Variants in FBXL7 observed in about 807,000 individuals in gnomAD.
FBXL7 encodes F-box and leucine rich repeat protein 7.
A neutral mutation model predicts 38.3 loss-of-function variants in FBXL7; 12 were observed. The observed-to-expected ratio is 0.31, with a 90% CI of 0.20 to 0.51. FBXL7 has a LOEUF of 0.51. Among genes scored for constraint, FBXL7 ranks in the 20% least tolerant of loss-of-function variants. FBXL7 has a pLI of 0.98. For synonymous variants in FBXL7, 297 were observed against 300.9 expected, an observed-to-expected ratio of 0.99 and a Z score of 0.13; for missense variants, 567 against 676.4, an observed-to-expected ratio of 0.84 and a Z score of 1.79.
At chr5:15,867,268 C>T (rs1044361754) in intron 2 of FBXL7, among the ~76,000 whole-genome samples, 1 of 152,188 alleles carries the variant, frequency 6.6e-6, no homozygotes, top group African/African-American at 2.4e-5. Context: ...TGTTCATCAA[C>T]TTAGTGATTT....
chr5:15,719,136 G>A (rs978425100), intron 2 of FBXL7, among the ~76,000 whole-genome samples: 1 of 152,146 alleles, frequency 6.6e-6, no homozygotes, highest in Admixed American at 6.5e-5. Flanking sequence ...CAAAAGGTTT[G>A]AAGGCAGCTT....
At position 15,771,424 on chromosome 5, in the gene FBXL7, T is replaced by C. The variant is rs1339624733; in HGVS notation, c.127+155352T>C. ...ATATTATCCAGCACAACTTCATTTG[T>C]GATATCACTTTATTCAGTACAAACT... On this transcript the variant is annotated intron_variant, in intron 2 of 3. Coordinates refer to ENST00000504595, the MANE Select transcript of FBXL7 (RefSeq NM_012304.5). 2.6e-5 allele frequency among the ~76,000 whole-genome samples: 4 copies of C among 152,238 alleles called. 1 individual carries two copies. The highest frequency in any genetic ancestry group is 2.9e-5 in the Non-Finnish European group (2 of 68,044).
intron 1 of FBXL7, among the ~76,000 whole-genome samples, chr5:15,529,030 C>T (rs1450728059): frequency 4.6e-5 from 7 of 152,170 alleles, no homozygotes; most frequent in Admixed American, 3.9e-4. Context: ...ATGTATTCCT[C>T]CTTTCTAACT....
chr5:15,916,516 G>A (rs1285838522), intron 2 of FBXL7, among the ~76,000 whole-genome samples: 3 of 152,176 alleles, frequency 2.0e-5, no homozygotes, highest in African/African-American at 7.2e-5. Flanking sequence ...GAACATCAGT[G>A]TATAAGTTGT....
chr5:15,694,377 C>A (rs1235203131), intron 2 of FBXL7, among the ~76,000 whole-genome samples: 3 of 152,146 alleles, frequency 2.0e-5, no homozygotes, highest in South Asian at 2.1e-4. Context: ...AATACAGATG[C>A]TTAGCGAAAA....
chr5:15,613,528 T>A (rs927294704), intron 1 of FBXL7, among the ~76,000 whole-genome samples: 3 of 152,184 alleles, frequency 2.0e-5, no homozygotes, highest in Admixed American at 2.0e-4. Flanking sequence ...ATAACAGATT[T>A]GTTCAGAGCC....
At chr5:15,663,638 A>G (rs1382711584) in intron 2 of FBXL7, among the ~76,000 whole-genome samples, 1 of 152,174 alleles carries the variant, frequency 6.6e-6, no homozygotes, top group Non-Finnish European at 1.5e-5. Context: ...TTGTTTGCAT[A>G]TGTTGAACCA....
chr5:15,829,546 T>TC (rs1385744975), intron 2 of FBXL7, among the ~76,000 whole-genome samples: 1 of 152,218 alleles, frequency 6.6e-6, no homozygotes, highest in Non-Finnish European at 1.5e-5. Flanking sequence ...AGACTTTTTT[T>TC]CCATTCCTAC....
intron 2 of FBXL7, among the ~76,000 whole-genome samples, chr5:15,826,492 C>T (rs1440725384): frequency 6.6e-6 from 1 of 152,158 alleles, no homozygotes; most frequent in Non-Finnish European, 1.5e-5. Flanking sequence ...GATCTCTGCT[C>T]ACTGCAACCT....
At chr5:15,935,857 A>G (rs1339602763) in intron 3 of FBXL7, among the ~76,000 whole-genome samples, 2 of 152,186 alleles carry the variant, frequency 1.3e-5, no homozygotes, top group Non-Finnish European at 2.9e-5. Flanking sequence ...TTCCCATTGC[A>G]TAAAGGACAG....
At chr5:15,844,927 C>T (rs1191187943) in intron 2 of FBXL7, among the ~76,000 whole-genome samples, 2 of 152,220 alleles carry the variant, frequency 1.3e-5, no homozygotes, top group African/African-American at 4.8e-5. Flanking sequence ...TAAGAAAGCT[C>T]AATGGCCAAG....
chr5:15,636,027 T>A (rs1179022979), intron 2 of FBXL7, among the ~76,000 whole-genome samples: 1 of 151,928 alleles, frequency 6.6e-6, no homozygotes, highest in African/African-American at 2.4e-5. Context: ...TGAGAGTGAT[T>A]ATAATCCTTT....
intron 2 of FBXL7, among the ~76,000 whole-genome samples, chr5:15,784,255 CA>C (rs565278580): frequency 6.6e-6 from 1 of 150,764 alleles, no homozygotes; most frequent in South Asian, 2.1e-4. Context: ...CCCCATTAGA[CA>C]AAAAAAAATT....
intron 2 of FBXL7, among the ~76,000 whole-genome samples, chr5:15,787,784 T>C (rs892372403): frequency 1.3e-5 from 2 of 152,222 alleles, no homozygotes; most frequent in Admixed American, 1.3e-4. Flanking sequence ...GCCTTGGACA[T>C]GCCCTGGTTT....
intron 2 of FBXL7, among the ~76,000 whole-genome samples, chr5:15,696,892 G>A (rs1344107189): frequency 6.6e-6 from 1 of 152,158 alleles, no homozygotes; most frequent in Non-Finnish European, 1.5e-5. Context: ...ACCCTGAGTG[G>A]TGTAAATGCC....
At chr5:15,744,242 T>C (rs1005740256) in intron 2 of FBXL7, among the ~76,000 whole-genome samples, 1 of 152,366 alleles carries the variant, frequency 6.6e-6, no homozygotes. Flanking sequence ...CAAACTTTTG[T>C]GCTCTGCTTC....
intron 2 of FBXL7, among the ~76,000 whole-genome samples, chr5:15,920,431 T>C (rs1248649328): frequency 1.3e-5 from 2 of 152,182 alleles, no homozygotes; most frequent in Non-Finnish European, 2.9e-5. Context: ...GTTTACTGAA[T>C]TTTAATGCCA....
At chr5:15,827,547 G>C (rs1738348635) in intron 2 of FBXL7, among the ~76,000 whole-genome samples, 1 of 152,152 alleles carries the variant, frequency 6.6e-6, no homozygotes, top group Non-Finnish European at 1.5e-5. Context: ...ACCAGTATCT[G>C]GTGAGGGCCT....
At chr5:15,605,376 A>T (rs1049388273) in intron 1 of FBXL7, among the ~76,000 whole-genome samples, 2 of 152,220 alleles carry the variant, frequency 1.3e-5, no homozygotes, top group African/African-American at 4.8e-5. Context: ...TATGGTATAC[A>T]CACAGAGTAG....
Sources: allele counts gnomAD v4.1 joint callset (sites outside exome capture counted in the v4.1 genomes callset), GRCh38; gene constraint gnomAD v4.1.1; transcripts MANE v1.5; gene names NCBI Gene and HGNC (gene_info 2026-07-23, HGNC 2026-07-21).